Variants in TAFA1 observed in about 807,000 individuals in gnomAD.
TAFA1 encodes TAFA chemokine like family member 1.
In TAFA1, 4 loss-of-function variants were observed where a neutral mutation model predicts 18.5. That is an observed-to-expected ratio of 0.22 (90% confidence interval 0.11 to 0.49). TAFA1 has a LOEUF of 0.49. Among genes scored for constraint, TAFA1 ranks in the 20% least tolerant of loss-of-function variants. The pLI is 0.98. For synonymous variants in TAFA1, 56 were observed against 55.2 expected, an observed-to-expected ratio of 1.01 and a Z score of -0.06; for missense variants, 147 against 169.0, an observed-to-expected ratio of 0.87 and a Z score of 0.72.
At chr3:68,235,915 T>A (rs1359851734) in intron 2 of TAFA1, among the ~76,000 whole-genome samples, 1 of 152,138 alleles carries the variant, frequency 6.6e-6, no homozygotes, top group Admixed American at 6.5e-5. Flanking sequence ...AAAGGTTGAG[T>A]ATCTACGTGG....
At chr3:68,382,769 T>G (rs1420182064) in intron 2 of TAFA1, among the ~76,000 whole-genome samples, 1 of 152,182 alleles carries the variant, frequency 6.6e-6, no homozygotes, top group African/African-American at 2.4e-5. Flanking sequence ...TTAATAGAAA[T>G]AGCATTGAAT....
intron 3 of TAFA1, among the ~76,000 whole-genome samples, chr3:68,516,574 C>T (rs1044516027): frequency 3.9e-5 from 6 of 152,128 alleles, no homozygotes; most frequent in African/African-American, 1.4e-4. Context: ...GGATTGAAAG[C>T]TATCAGGATA....
intron 2 of TAFA1, among the ~76,000 whole-genome samples, chr3:68,404,584 G>C (rs1424484876): frequency 6.6e-6 from 1 of 152,104 alleles, no homozygotes; most frequent in Non-Finnish European, 1.5e-5. Context: ...CAGATCATGA[G>C]GTCAGGAGTT....
Position 68,354,117 on chromosome 3 carries a change from C to G in TAFA1, c.119-63163C>G, listed in dbSNP as rs535044662. On this transcript the variant is annotated intron_variant, in intron 2 of 4. Transcript: ENST00000478136. ...AAAACAAAACAAACAACAACAAAAA[C>G]TAGACTCTACATTTTATTTGAATTT... 3.3e-5 allele frequency among the ~76,000 whole-genome samples: 5 copies of G among 151,544 alleles called. No homozygotes were observed. The South Asian group carries it at 1.0e-3, about 32-fold the overall frequency.
chr3:68,464,952 A>G (rs1575891862), intron 3 of TAFA1, among the ~76,000 whole-genome samples: 1 of 152,040 alleles, frequency 6.6e-6, no homozygotes, highest in South Asian at 2.1e-4. Flanking sequence ...CAGAATTCTG[A>G]TTTTATTTGG....
chr3:68,271,135 C>T (rs1446996535), intron 2 of TAFA1, among the ~76,000 whole-genome samples: 1 of 152,084 alleles, frequency 6.6e-6, no homozygotes. Context: ...CACCCTGCCC[C>T]TTCCCCCTTC....
chr3:68,291,969 T>C lies in TAFA1; in HGVS notation c.119-125311T>C, dbSNP rs114061881. On this transcript the variant is annotated intron_variant, in intron 2 of 4. Transcript: ENST00000478136. ...ATATCTGGGAGGTGGCTTCCAGAATTGGAGAATTTTACACCAATGTAGTAA... is the reference window on the plus strand; with the variant it reads ...ATATCTGGGAGGTGGCTTCCAGAATCGGAGAATTTTACACCAATGTAGTAA... Among the ~76,000 whole-genome samples, 741 of 152,234 alleles carry C rather than the reference T, an allele frequency of 4.9e-3. 14 individuals carry two copies. Among genetic ancestry groups the C allele is most frequent in the African/African-American group, 0.017 (709 of 41,550 alleles).
At chr3:68,355,625 T>C (rs1349904303) in intron 2 of TAFA1, among the ~76,000 whole-genome samples, 1 of 151,968 alleles carries the variant, frequency 6.6e-6, no homozygotes, top group Non-Finnish European at 1.5e-5. Flanking sequence ...CCAGACTGCG[T>C]CATAATTGTG....
At chr3:68,289,458 G>A (rs1328128078) in intron 2 of TAFA1, among the ~76,000 whole-genome samples, 2 of 130,602 alleles carry the variant, frequency 1.5e-5, no homozygotes, top group Non-Finnish European at 3.5e-5. Flanking sequence ...AGCTACATCT[G>A]CCCAGAAACA....
At chr3:68,451,531 C>T (rs1202940451) in intron 3 of TAFA1, among the ~76,000 whole-genome samples, 1 of 152,142 alleles carries the variant, frequency 6.6e-6, no homozygotes, top group East Asian at 1.9e-4. Context: ...GGCTATTAGG[C>T]CTTTTCCTTG....
chr3:68,204,023 C>G (rs929152231), intron 2 of TAFA1, among the ~76,000 whole-genome samples: 1 of 143,206 alleles, frequency 7.0e-6, no homozygotes, highest in African/African-American at 2.5e-5. Flanking sequence ...AACCCTTCAG[C>G]AATTCATTGA....
chr3:68,248,224 T>G (rs1390933227), intron 2 of TAFA1, among the ~76,000 whole-genome samples: 1 of 152,230 alleles, frequency 6.6e-6, no homozygotes, highest in Non-Finnish European at 1.5e-5. Flanking sequence ...CTCATAACCT[T>G]TATGCAGTGG....
intron 2 of TAFA1, among the ~76,000 whole-genome samples, chr3:68,264,021 G>A (rs1021278308): frequency 6.6e-6 from 1 of 152,142 alleles, no homozygotes; most frequent in African/African-American, 2.4e-5. Flanking sequence ...GCTGGGCACA[G>A]TGGCTCATGC....
At chr3:68,290,062 A>G (rs1303765210) in intron 2 of TAFA1, among the ~76,000 whole-genome samples, 2 of 152,250 alleles carry the variant, frequency 1.3e-5, no homozygotes, top group Non-Finnish European at 2.9e-5. Flanking sequence ...GTTTCATAGT[A>G]TCATGGAAAA....
intron 2 of TAFA1, among the ~76,000 whole-genome samples, chr3:68,380,564 C>T (rs1280697698): frequency 6.6e-6 from 1 of 152,150 alleles, no homozygotes; most frequent in Non-Finnish European, 1.5e-5. Flanking sequence ...GCATAAATAT[C>T]TTCTTTTGAG....
intron 3 of TAFA1, among the ~76,000 whole-genome samples, chr3:68,479,449 A>G (rs2072184442): frequency 6.6e-6 from 1 of 151,968 alleles, no homozygotes; most frequent in South Asian, 2.1e-4. Context: ...ACTTCCAGAG[A>G]TCAATGTCAG....
intron 2 of TAFA1, among the ~76,000 whole-genome samples, chr3:68,203,911 G>T (rs1329524728): frequency 6.6e-6 from 1 of 151,484 alleles, no homozygotes; most frequent in Non-Finnish European, 1.5e-5. Flanking sequence ...TGAGAACCTG[G>T]TTGAGTTCCT....
chr3:68,203,959 A>G (rs200872516), intron 2 of TAFA1, among the ~76,000 whole-genome samples: 3 of 65,732 alleles, frequency 4.6e-5, no homozygotes, highest in African/African-American at 1.7e-4. Context: ...GGCCCCCCCC[A>G]CCCCCCATGA....
At chr3:68,398,620 T>C (rs2070430698) in intron 2 of TAFA1, among the ~76,000 whole-genome samples, 2 of 152,164 alleles carry the variant, frequency 1.3e-5, no homozygotes, top group Non-Finnish European at 2.9e-5. Flanking sequence ...AACCTGAATA[T>C]AGTTTACTGT....
Sources: gnomAD v4.1 joint callset for allele counts (sites outside exome capture counted in the v4.1 genomes callset) on GRCh38, gnomAD v4.1.1 for gene constraint, MANE v1.5 for transcripts, NCBI Gene and HGNC (gene_info 2026-07-23, HGNC 2026-07-21) for gene names.